The following RCC1L variants were observed in gnomAD, a reference collection of about 807,000 sequenced individuals.
RCC1L encodes RCC1 like, also known as RCC1-like G exchanging factor-like protein.
Under a neutral mutation model 58.6 loss-of-function variants are expected in RCC1L, and 46 were observed. The ratio of observed to expected loss-of-function variants is 0.79; its 90% CI spans 0.62 to 1.00. The LOEUF (loss-of-function observed/expected upper bound fraction) is 1.00. RCC1L is among the 50% of genes least tolerant of loss of function. RCC1L has a pLI of 0.00. For missense variants in RCC1L, 636 were observed against 623.6 expected, an observed-to-expected ratio of 1.02 and a Z score of -0.21; for synonymous variants, 281 against 262.9, an observed-to-expected ratio of 1.07 and a Z score of -0.67.
chr7:75,036,027 T>A (rs1207865873), intron 10 of RCC1L, among the ~76,000 whole-genome samples: 1 of 151,860 alleles, frequency 6.6e-6, no homozygotes, highest in African/African-American at 2.4e-5. Flanking sequence ...TCCAGATGAT[T>A]CTATGGTATA....
At chr7:75,029,607 G>A (rs990875906) in intron 10 of RCC1L, among the ~76,000 whole-genome samples, 1 of 151,946 alleles carries the variant, frequency 6.6e-6, no homozygotes, top group African/African-American at 2.4e-5. Flanking sequence ...GCCTCCCAAA[G>A]TGCTGGGATT....
At chr7:75,069,871 G>A (rs1806656165) in intron 2 of RCC1L, among the ~76,000 whole-genome samples, 2 of 152,106 alleles carry the variant, frequency 1.3e-5, no homozygotes. Context: ...CCAAAGTGCT[G>A]GGACTACAGG....
intron 9 of RCC1L, 132 bp from the exon 10 acceptor site, chr7:75,052,928 G>A (rs1239667130): frequency 1.8e-5 from 16 of 868,698 alleles, no homozygotes; most frequent in South Asian, 2.9e-5. Flanking sequence ...TTTACCAGGC[G>A]TTCATGCTTT....
At chr7:75,058,796 T>A in intron 6 of RCC1L, 27 bp from the exon 7 acceptor site, 1 of 1,613,662 alleles carries the variant, frequency 6.2e-7, no homozygotes, top group Non-Finnish European at 8.5e-7. Context: ...TACAGATTTT[T>A]AATTATTCGC....
At chr7:75,041,214 A>ATGAC (rs1805553735), downstream of RCC1L, among the ~76,000 whole-genome samples, 1 of 149,760 alleles carries the variant, frequency 6.7e-6, no homozygotes, top group African/African-American at 2.5e-5. Flanking sequence ...ACTCCATCTC[A>ATGAC]TAACTAACTA....
At chr7:75,031,937 G>A (rs1805317123) in intron 10 of RCC1L, among the ~76,000 whole-genome samples, 1 of 152,250 alleles carries the variant, frequency 6.6e-6, no homozygotes, top group Non-Finnish European at 1.5e-5. Flanking sequence ...AACCCACGGG[G>A]CTGCTTGAGT....
downstream of RCC1L, among the ~76,000 whole-genome samples, chr7:75,037,903 T>G (rs1458995317): frequency 6.6e-6 from 1 of 152,216 alleles, no homozygotes; most frequent in Non-Finnish European, 1.5e-5. Flanking sequence ...TAACACTGTC[T>G]CCAGCTCAGG....
intron 2 of RCC1L, among the ~76,000 whole-genome samples, chr7:75,067,035 C>T (rs1395134783): frequency 1.3e-5 from 2 of 152,196 alleles, no homozygotes; most frequent in African/African-American, 4.8e-5. Flanking sequence ...GGCGCAGTGG[C>T]TCATGCCTGT....
intron 10 of RCC1L, among the ~76,000 whole-genome samples, chr7:75,045,592 T>C (rs1342033066): frequency 6.6e-6 from 1 of 151,820 alleles, no homozygotes; most frequent in Non-Finnish European, 1.5e-5. Flanking sequence ...CTCAGTTCAC[T>C]GCAACCTCCG....
intron 10 of RCC1L, among the ~76,000 whole-genome samples, chr7:75,046,971 T>A (rs1173051814): frequency 6.6e-6 from 1 of 151,888 alleles, no homozygotes; most frequent in South Asian, 2.1e-4. Flanking sequence ...TTTTTTTTTT[T>A]CAATGAGACG....
At chr7:75,071,135 C>T (rs587661979) in intron 1 of RCC1L, among the ~76,000 whole-genome samples, 1 of 152,266 alleles carries the variant, frequency 6.6e-6, no homozygotes, top group South Asian at 2.1e-4. Context: ...GGACTATATG[C>T]GTCAGCCACC....
At chr7:75,052,637 G>A (rs945987192) in intron 10 of RCC1L, 74 bp downstream of exon 10, 58 of 1,421,438 alleles carry the variant, frequency 4.1e-5, no homozygotes, top group Admixed American at 1.6e-4. Flanking sequence ...CCATCTGCAC[G>A]CGAGGTGTCT....
chr7:75,032,422 C>T (rs2131967138), intron 10 of RCC1L, among the ~76,000 whole-genome samples: 1 of 152,340 alleles, frequency 6.6e-6, no homozygotes, highest in South Asian at 2.1e-4. Flanking sequence ...GAGCACCGTG[C>T]TTCTGGCTAC....
At chr7:75,050,206 C>A (rs1372957013) in intron 10 of RCC1L, among the ~76,000 whole-genome samples, 1 of 152,230 alleles carries the variant, frequency 6.6e-6, no homozygotes, top group African/African-American at 2.4e-5. Context: ...CACTTGAACC[C>A]GGAAGGTGGA....
At chr7:75,057,989 C>T in intron 7 of RCC1L, 1 of 325,058 alleles carries the variant, frequency 3.1e-6, no homozygotes. Flanking sequence ...GAAACCCTGT[C>T]TCTATTAAAA....
In RCC1L at chr7:75,042,200, G is replaced by C; in HGVS notation, c.*832C>G. 1.0e-6 allele frequency: 1 copy of C among 985,436 alleles called. No homozygotes were observed. The highest frequency in any genetic ancestry group is 1.2e-6 in the Non-Finnish European group (1 of 829,924). 61.0% of individuals were successfully genotyped at this position (985,436 alleles called of 1,614,324 possible). On this transcript the variant is annotated 3_prime_UTR_variant, in exon 11 of 11. Transcript: ENST00000610322. ...TTCAGAGCTTAAAAACCAAAAGGCA[G>C]AAAATAGACTTTATTCCAAGACAGA...
rs1175274941 is a variant in RCC1L, at chr7:75,051,323, TAC to T, written c.1317+1386_1317+1387del. 4.9e-3 allele frequency among the ~76,000 whole-genome samples: 730 copies of T among 147,966 alleles called. 4 individuals are homozygous for T. The highest frequency in any genetic ancestry group is 0.022 in the East Asian group (110 of 5,096). On this transcript the variant is annotated intron_variant, in intron 10 of 10. Transcript: ENST00000610322. The stretch of plus-strand genomic sequence containing the variant: ...ATACATATATATATACACACATATA[TAC>T]ACACACACACACATATATATACACA...
intron 9 of RCC1L, among the ~76,000 whole-genome samples, chr7:75,053,860 C>T (rs1162489373): frequency 6.6e-6 from 1 of 152,136 alleles, no homozygotes; most frequent in African/African-American, 2.4e-5. Flanking sequence ...TCTAAGCATG[C>T]CCCTTGTTCT....
At chr7:75,029,029 A>C (rs1028228197) in intron 10 of RCC1L, among the ~76,000 whole-genome samples, 1 of 152,240 alleles carries the variant, frequency 6.6e-6, no homozygotes, top group Non-Finnish European at 1.5e-5. Flanking sequence ...TTTGTTCAGC[A>C]GGAGGAGGCT....
Sources: allele counts gnomAD v4.1 joint callset (sites outside exome capture counted in the v4.1 genomes callset), GRCh38; gene constraint gnomAD v4.1.1; transcripts MANE v1.5; gene names NCBI Gene and HGNC (gene_info 2026-07-23, HGNC 2026-07-21).